LPP: variants seen among roughly 807,000 people sequenced by gnomAD.
The protein encoded by LPP is LIM domain containing preferred translocation partner in lipoma, also known as lipoma-preferred partner.
In LPP, 38 loss-of-function variants were observed where a neutral mutation model predicts 60.4. The observed-to-expected ratio is 0.63, with a 90% CI of 0.49 to 0.83. The LOEUF is 0.83. Among genes scored for constraint, LPP ranks in the 40% least tolerant of loss-of-function variants. The pLI is 0.00. For missense variants in LPP, 902 were observed against 783.6 expected (o/e 1.15, Z -1.80); for synonymous variants, 328 against 290.8 (o/e 1.13, Z -1.30).
chr3:188,462,542 CTTTATATATA>C (rs1196595643), intron 4 of LPP, among the ~76,000 whole-genome samples: 1,273 of 64,264 alleles, frequency 0.02, 60 homozygotes, highest in Middle Eastern at 0.062. Flanking sequence ...TTTATATGAG[CTTTATATATA>C]TATATATATA....
intron 6 of LPP, among the ~76,000 whole-genome samples, chr3:188,602,628 A>G (rs1368341436): frequency 1.3e-5 from 2 of 151,682 alleles, no homozygotes; most frequent in Non-Finnish European, 1.5e-5. Flanking sequence ...TGAGAGTCAG[A>G]GTATCTTCTT....
intron 2 of LPP, among the ~76,000 whole-genome samples, chr3:188,307,219 AC>A (rs1385738516): frequency 6.6e-6 from 1 of 152,232 alleles, no homozygotes; most frequent in Non-Finnish European, 1.5e-5. Context: ...CTGAGGTCAC[AC>A]AGATGAAATG....
At chr3:188,164,855 A>G (rs540142007) in intron 1 of LPP, among the ~76,000 whole-genome samples, 1 of 152,270 alleles carries the variant, frequency 6.6e-6, no homozygotes, top group Admixed American at 6.5e-5. Flanking sequence ...TATCAGGTGC[A>G]TCTGTGAAAG....
chr3:188,311,877 G>T (rs914849604), intron 2 of LPP, among the ~76,000 whole-genome samples: 2 of 152,122 alleles, frequency 1.3e-5, no homozygotes, highest in East Asian at 3.9e-4. Context: ...GAGCTCAGAT[G>T]ATTCTCCTGC....
At chr3:188,767,703 C>T (rs527757652) in intron 9 of LPP, among the ~76,000 whole-genome samples, 6 of 152,162 alleles carry the variant, frequency 3.9e-5, no homozygotes, top group East Asian at 1.9e-4. Flanking sequence ...AATACATAAG[C>T]GCACTCTTGG....
At position 188,882,366 on chromosome 3, in the gene LPP, A is replaced by T. The variant is rs6768694; in HGVS notation, c.*7887A>T. 1 of 225,194 alleles carries T rather than the reference A, an allele frequency of 4.4e-6. No individual in the cohort carries two copies. The highest frequency in any genetic ancestry group is 6.5e-5 in the East Asian group (1 of 15,502). The allele number at this position is 225,194 out of a possible 1,614,324, so 13.9% of individuals were successfully genotyped here. ...GAAATTCCTTCTTAACAGAAAAAAA[A>T]GGCTTCCAAATAATCAGGCTGAATG... On this transcript the variant is annotated 3_prime_UTR_variant, in exon 12 of 12. Coordinates refer to ENST00000617246, the MANE Select transcript of LPP (RefSeq NM_001375462.1).
intron 4 of LPP, among the ~76,000 whole-genome samples, chr3:188,465,791 A>G (rs1311666748): frequency 1.3e-5 from 2 of 152,038 alleles, no homozygotes; most frequent in African/African-American, 4.8e-5. Flanking sequence ...CTTGTTTTCC[A>G]TGGTGGGAAT....
At chr3:188,303,325 T>C (rs1056849270) in intron 2 of LPP, among the ~76,000 whole-genome samples, 1 of 152,240 alleles carries the variant, frequency 6.6e-6, no homozygotes, top group Non-Finnish European at 1.5e-5. Flanking sequence ...CCAGCACCTG[T>C]ACTAAAATGT....
At chr3:188,176,523 A>C (rs1723086278) in intron 1 of LPP, among the ~76,000 whole-genome samples, 1 of 151,732 alleles carries the variant, frequency 6.6e-6, no homozygotes, top group African/African-American at 2.4e-5. Flanking sequence ...TGATAACTGG[A>C]TCTTACCCCC....
Position 188,457,506 on chromosome 3 carries a change from A to G in LPP, c.194-27086A>G, listed in dbSNP as rs559258208. On this transcript the variant is annotated intron_variant, in intron 4 of 11. Coordinates refer to ENST00000617246, the MANE Select transcript of LPP (RefSeq NM_001375462.1). ...AGGAGCGGAGTACTAGCTCTTCACT[A>G]TCATTGGTCTAAGCGCTTGAAATGC... Among the ~76,000 whole-genome samples, 2 of 151,994 alleles carry G rather than the reference A, an allele frequency of 1.3e-5. 1 individual carries two copies. The highest frequency in any genetic ancestry group is 1.3e-4 in the Admixed American group (2 of 15,250).
At chr3:188,804,409 T>C (rs1421009194) in intron 9 of LPP, among the ~76,000 whole-genome samples, 1 of 150,774 alleles carries the variant, frequency 6.6e-6, no homozygotes, top group East Asian at 2.0e-4. Context: ...CTGCATGTGG[T>C]CACTTATAAA....
At chr3:188,562,774 GATAAA>G (rs1331659815) in intron 6 of LPP, among the ~76,000 whole-genome samples, 6 of 152,146 alleles carry the variant, frequency 3.9e-5, no homozygotes, top group Admixed American at 3.9e-4. Context: ...GTATGTGACA[GATAAA>G]ATAAAATCCT....
chr3:188,551,026 G>A (rs1161989027), intron 6 of LPP, among the ~76,000 whole-genome samples: 1 of 152,086 alleles, frequency 6.6e-6, no homozygotes. Flanking sequence ...AAAAAGTAGT[G>A]CCCAAACTAT....
At position 188,886,446 on chromosome 3, in the gene LPP, C is replaced by A. The variant is rs1453397361; in HGVS notation, c.*11967C>A. On this transcript the variant is annotated 3_prime_UTR_variant, in exon 12 of 12. Transcript: ENST00000617246. ...CCCAGGAATGGATTAATAGAAGACACAATTTGAGCACTTCTCAGAATTATC... is the reference window on the plus strand; with the variant it reads ...CCCAGGAATGGATTAATAGAAGACAAAATTTGAGCACTTCTCAGAATTATC... The A allele has an allele frequency of 1.6e-5, 3 of 186,744 alleles. No homozygotes were observed. The highest frequency in any genetic ancestry group is 7.4e-5 in the African/African-American group (3 of 40,504). The allele number at this position is 186,744 out of a possible 1,614,324, so 11.6% of individuals were successfully genotyped here. A position where few individuals can be genotyped will look rare whatever the true frequency, so the allele number is the denominator to read the frequency against.
intron 9 of LPP, among the ~76,000 whole-genome samples, chr3:188,838,396 G>A (rs1479766210): frequency 6.6e-6 from 1 of 152,100 alleles, no homozygotes; most frequent in East Asian, 1.9e-4. Context: ...CAAAGGCTTT[G>A]GTGGTCCTAA....
intron 1 of LPP, among the ~76,000 whole-genome samples, chr3:188,166,067 T>A (rs759072678): frequency 6.6e-6 from 1 of 152,220 alleles, no homozygotes; most frequent in Non-Finnish European, 1.5e-5. Flanking sequence ...GCTGGAGATA[T>A]TCAAGCAGTG....
At chr3:188,388,684 C>T (rs1449307956) in intron 3 of LPP, among the ~76,000 whole-genome samples, 1 of 152,060 alleles carries the variant, frequency 6.6e-6, no homozygotes, top group Non-Finnish European at 1.5e-5. Context: ...CACAATAAAC[C>T]CTGATATAAA....
chr3:188,701,328 G>A (rs1864359202), intron 7 of LPP, among the ~76,000 whole-genome samples: 1 of 151,316 alleles, frequency 6.6e-6, no homozygotes. Context: ...TGGGCCCCTA[G>A]CAAGAAAAGA....
At chr3:188,735,377 TTTA>T (rs919230976) in intron 8 of LPP, among the ~76,000 whole-genome samples, 5 of 144,650 alleles carry the variant, frequency 3.5e-5, no homozygotes, top group Non-Finnish European at 6.3e-5. Flanking sequence ...AAAATTTTAT[TTTA>T]TTATTATTAT....
Sources: allele counts gnomAD v4.1 joint callset (sites outside exome capture counted in the v4.1 genomes callset), GRCh38; gene constraint gnomAD v4.1.1; transcripts MANE v1.5; gene names NCBI Gene and HGNC (gene_info 2026-07-23, HGNC 2026-07-21).